Variants in CLNK observed in about 807,000 individuals in gnomAD.
CLNK encodes cytokine dependent hematopoietic cell linker.
In CLNK, 74 loss-of-function variants were observed where a neutral mutation model predicts 68.6. The observed-to-expected ratio is 1.08, with a 90% CI of 0.89 to 1.31. The LOEUF is 1.31. Ranked by LOEUF, CLNK falls within the 50% of genes most tolerant of loss-of-function variation. The probability of loss-of-function intolerance (pLI) is 0.00; values close to 1 mark genes in which losing one functional copy is unlikely to be tolerated. For missense variants in CLNK, 553 were observed against 515.3 expected, an observed-to-expected ratio of 1.07 and a Z score of -0.71; for synonymous variants, 198 against 172.2, an observed-to-expected ratio of 1.15 and a Z score of -1.17.
Position 10,583,081 on chromosome 4 carries a change from A to G in CLNK, c.112+1846T>C, listed in dbSNP as rs577590311. On this transcript the variant is annotated intron_variant, in intron 4 of 18. Coordinates refer to ENST00000226951, the MANE Select transcript of CLNK (RefSeq NM_052964.4). ...TTTTCAAATGATCCCATCGTCAAAA[A>G]TCAGAAACAACTTGAAGGATCTGGG... Among the ~76,000 whole-genome samples, 21 of 152,326 alleles carry G rather than the reference A, an allele frequency of 1.4e-4. No individual in the cohort carries two copies. The South Asian group carries it at 4.1e-3, about 30-fold the overall frequency.
In CLNK at chr4:10,653,055, C is replaced by A. The variant is rs141826057; in HGVS notation, c.11+14804G>T. ...ATCCTTTGCAGGGACATGGATGACACTGGAAACCATCATTCACAGCAAACT... is the reference window on the plus strand; with the variant it reads ...ATCCTTTGCAGGGACATGGATGACAATGGAAACCATCATTCACAGCAAACT... On this transcript the variant is annotated intron_variant, in intron 2 of 18. Coordinates refer to ENST00000226951, the MANE Select transcript of CLNK (RefSeq NM_052964.4). 9.2e-5 allele frequency among the ~76,000 whole-genome samples: 14 copies of A among 152,276 alleles called. No individual in the cohort carries two copies. In the East Asian group the frequency reaches 2.7e-3, roughly 29 times the overall value.
intron 2 of CLNK, among the ~76,000 whole-genome samples, chr4:10,608,914 G>T (rs557779927): frequency 6.6e-6 from 1 of 152,108 alleles, no homozygotes; most frequent in African/African-American, 2.4e-5. Context: ...GTTTCCCTGT[G>T]GTATCCTCAC....
chr4:10,654,898 C>T (rs555772871), intron 2 of CLNK, among the ~76,000 whole-genome samples: 2 of 151,998 alleles, frequency 1.3e-5, no homozygotes, highest in Admixed American at 6.5e-5. Context: ...GTCAGGAGAT[C>T]GAGATCATCC....
intron 3 of CLNK, among the ~76,000 whole-genome samples, chr4:10,587,308 T>C (rs1442162040): frequency 1.3e-5 from 2 of 152,190 alleles, no homozygotes; most frequent in African/African-American, 4.8e-5. Context: ...ATCCAACCAT[T>C]GGATGGGATC....
At chr4:10,651,952 A>T (rs1292279749) in intron 2 of CLNK, among the ~76,000 whole-genome samples, 1 of 151,742 alleles carries the variant, frequency 6.6e-6, no homozygotes, top group South Asian at 2.1e-4. Context: ...AAATACACAT[A>T]CATATATGCA....
At chr4:10,571,209 C>T (rs1720328051) in intron 5 of CLNK, among the ~76,000 whole-genome samples, 1 of 151,850 alleles carries the variant, frequency 6.6e-6, no homozygotes, top group African/African-American at 2.4e-5. Context: ...TTTTTATTTC[C>T]ATTTTATAGC....
chr4:10,609,896 A>T (rs1481524671), intron 2 of CLNK, among the ~76,000 whole-genome samples: 1 of 152,192 alleles, frequency 6.6e-6, no homozygotes, highest in African/African-American at 2.4e-5. Context: ...CAAGCTAACC[A>T]GATGCTGAGA....
chr4:10,640,145 A>C (rs531185996), intron 2 of CLNK, among the ~76,000 whole-genome samples: 2 of 152,130 alleles, frequency 1.3e-5, no homozygotes, highest in African/African-American at 4.8e-5. Context: ...ATGGAGGAGG[A>C]CAATGGACTA....
chr4:10,686,848 T>C (rs1725289086), upstream of CLNK, among the ~76,000 whole-genome samples: 1 of 152,168 alleles, frequency 6.6e-6, no homozygotes, highest in African/African-American at 2.4e-5. Context: ...TCATGAAGAA[T>C]TGAAGACAAT....
rs932243967 is a variant in CLNK, at chr4:10,568,899, C to A, written c.151-2749G>T. On this transcript the variant is annotated intron_variant, in intron 5 of 18. Transcript: ENST00000226951. ...AGCTGCCAAATCTGTGGGGATGTGA[C>A]ATCACAGCAATGGAAAACAAATGCA... Among the ~76,000 whole-genome samples the A allele has an allele frequency of 7.2e-5, 11 of 152,292 alleles. No individual in the cohort carries two copies. The East Asian group carries it at 2.1e-3, about 29-fold the overall frequency.
intron 18 of CLNK, among the ~76,000 whole-genome samples, chr4:10,495,998 A>C (rs1716797019): frequency 1.3e-5 from 2 of 152,150 alleles, no homozygotes; most frequent in Non-Finnish European, 2.9e-5. Flanking sequence ...ATACCATGAT[A>C]TTGGACTCCT....
the CLNK span, among the ~76,000 whole-genome samples, chr4:10,696,002 C>T: frequency 6.6e-6 from 1 of 151,956 alleles, no homozygotes; most frequent in African/African-American, 2.4e-5. Flanking sequence ...ATTACAGGTG[C>T]CTACCACCCT....
At chr4:10,629,244 G>A (rs1053767055) in intron 2 of CLNK, among the ~76,000 whole-genome samples, 4 of 152,166 alleles carry the variant, frequency 2.6e-5, no homozygotes, top group Non-Finnish European at 5.9e-5. Context: ...TCTGCCTTTC[G>A]TGAGTTGATT....
chr4:10,723,882 C>CAGAGACAG, the CLNK span, among the ~76,000 whole-genome samples: 1 of 70,878 alleles, frequency 1.4e-5, no homozygotes, highest in Non-Finnish European at 3.4e-5. Flanking sequence ...ACACAGGAGT[C>CAGAGACAG]AGAGAGAGAG....
At position 10,628,610 on chromosome 4, in the gene CLNK, A is replaced by T. The variant is rs116390936; in HGVS notation, c.12-30561T>A. Among the ~76,000 whole-genome samples, 260 of 152,276 alleles carry T rather than the reference A, an allele frequency of 1.7e-3. 1 individual carries two copies. The highest frequency in any genetic ancestry group is 5.9e-3 in the African/African-American group (246 of 41,548). On this transcript the variant is annotated intron_variant, in intron 2 of 18. Transcript: ENST00000226951. ...GAGGCAGAGTTGGGCTCAACTTCTCATTCCCTGGGACGAACTGTGCACAGT... is the reference window on the plus strand; with the variant it reads ...GAGGCAGAGTTGGGCTCAACTTCTCTTTCCCTGGGACGAACTGTGCACAGT...
At chr4:10,712,962 G>A in the CLNK span, among the ~76,000 whole-genome samples, 2 of 152,264 alleles carry the variant, frequency 1.3e-5, no homozygotes, top group Admixed American at 1.3e-4. Flanking sequence ...CATTCCCAAG[G>A]AATCAGTAGC....
chr4:10,536,320 C>G (rs1466782326), intron 11 of CLNK, among the ~76,000 whole-genome samples: 2 of 152,202 alleles, frequency 1.3e-5, no homozygotes, highest in Non-Finnish European at 2.9e-5. Context: ...CTCTGATTGC[C>G]AATGTTCCTT....
chr4:10,670,672 T>G (rs1724591085), intron 1 of CLNK, among the ~76,000 whole-genome samples: 1 of 152,082 alleles, frequency 6.6e-6, no homozygotes, highest in Non-Finnish European at 1.5e-5. Flanking sequence ...TTAGGCCAAA[T>G]AGGTCTTTTT....
intron 8 of CLNK, among the ~76,000 whole-genome samples, chr4:10,549,084 A>T (rs962850392): frequency 1.3e-5 from 2 of 152,208 alleles, no homozygotes; most frequent in African/African-American, 4.8e-5. Context: ...AGCCTCACTT[A>T]GTATTCCTCC....
Sources: allele counts gnomAD v4.1 joint callset (sites outside exome capture counted in the v4.1 genomes callset), GRCh38; gene constraint gnomAD v4.1.1; transcripts MANE v1.5; gene names NCBI Gene and HGNC (gene_info 2026-07-23, HGNC 2026-07-21).